Variants in VASN observed in about 807,000 individuals in gnomAD.
The protein encoded by VASN is vasorin.
Under a neutral mutation model 4.8 loss-of-function variants are expected in VASN, and 5 were observed. That is an observed-to-expected ratio of 1.03 (90% confidence interval 0.54 to 2.17). The LOEUF (loss-of-function observed/expected upper bound fraction) is 2.17. Ranked by LOEUF, VASN falls within the 30% of genes most tolerant of loss-of-function variation. The pLI is 0.01. For synonymous variants in VASN, 499 were observed against 460.8 expected (o/e 1.08, Z -1.06); for missense variants, 927 against 948.8 (o/e 0.98, Z 0.30).
Position 4,381,049 on chromosome 16 carries a change from T to C in VASN, c.172T>C (p.Tyr58His). 1 of 1,610,746 alleles carries C rather than the reference T, an allele frequency of 6.2e-7. No homozygotes were observed. The highest frequency in any genetic ancestry group is 1.3e-5 in the African/African-American group (1 of 75,014). ...RDVPPDTVGLYVFENGITMLD... is the reference protein window; with the variant it reads ...RDVPPDTVGLHVFENGITMLD... ...CGTGCCACCCGACACGGTGGGGCTG[T>C]ACGTCTTTGAGAACGGCATCACCAT... The change falls in exon 2 of 2, where the codon TAC becomes CAC. Residue 58 changes from tyrosine (Y) to histidine (H), a missense_variant. Tyr to His is a moderately conservative substitution (Grantham distance 83). Coordinates refer to ENST00000304735, the MANE Select transcript of VASN (RefSeq NM_138440.3).
chr16:4,374,501 G>A (rs1174731620), intron 1 of VASN, among the ~76,000 whole-genome samples: 1 of 152,168 alleles, frequency 6.6e-6, no homozygotes, highest in Non-Finnish European at 1.5e-5. Context: ...TTCCTCAGGG[G>A]CTGCCTGAGA....
chr16:4,376,758 GGCC>G (rs1395025879), intron 1 of VASN, among the ~76,000 whole-genome samples: 1 of 152,116 alleles, frequency 6.6e-6, no homozygotes, highest in African/African-American at 2.4e-5. Flanking sequence ...GTGCTGAAGG[GGCC>G]GCCAAGGGAC....
Position 4,383,227 on chromosome 16 carries a change from A to C in VASN, c.*328A>C. 3.2e-6 allele frequency: 1 copy of C among 312,626 alleles called. No homozygotes were observed. The highest frequency in any genetic ancestry group is 5.5e-5 in the East Asian group (1 of 18,046). 19.4% of individuals were successfully genotyped at this position (312,626 alleles called of 1,614,324 possible). On this transcript the variant is annotated 3_prime_UTR_variant, in exon 2 of 2. Transcript: ENST00000304735. ...TGCCTGGGCCCTGCTGGGCTCTCCCACTCCAGGCGGACCCTGGGGGCCAGT... is the reference window on the plus strand; with the variant it reads ...TGCCTGGGCCCTGCTGGGCTCTCCCCCTCCAGGCGGACCCTGGGGGCCAGT...
At position 4,383,026 on chromosome 16, in the gene VASN, C is replaced by A; in HGVS notation, c.*127C>A. 1 of 1,061,972 alleles carries A rather than the reference C, an allele frequency of 9.4e-7. No homozygotes were observed. Among genetic ancestry groups the A allele is most frequent in the Non-Finnish European group, 1.3e-6 (1 of 757,126 alleles). 65.8% of individuals were successfully genotyped at this position (1,061,972 alleles called of 1,614,324 possible). A position where few individuals can be genotyped will look rare whatever the true frequency, so the allele number is the denominator to read the frequency against. ...GATGTGTGCAGACAGGGCTGTGTGA[C>A]CACAGCTGGGCCCTGTTCCCTCTGG... On this transcript the variant is annotated 3_prime_UTR_variant, in exon 2 of 2. Coordinates refer to ENST00000304735, the MANE Select transcript of VASN (RefSeq NM_138440.3).
chr16:4,376,748 G>A (rs2054746422), intron 1 of VASN, among the ~76,000 whole-genome samples: 1 of 152,138 alleles, frequency 6.6e-6, no homozygotes, highest in Admixed American at 6.5e-5. Context: ...CTGAAGTCCT[G>A]TGCTGAAGGG....
chr16:4,381,682 C>G lies in VASN; in HGVS notation c.805C>G (p.Leu269Val). The change falls in exon 2 of 2, where the codon CTG becomes GTG. Residue 269 changes from leucine (L) to valine (V), a missense_variant. Leu to Val is a conservative substitution (Grantham distance 32). Transcript: ENST00000304735. ...GGCCGGCCTGGCTGCCCTGCAGGAGCTGGATGTGAGCAACCTAAGCCTGCA... is the reference window on the plus strand; with the variant it reads ...GGCCGGCCTGGCTGCCCTGCAGGAGGTGGATGTGAGCAACCTAAGCCTGCA... Reference protein sequence around the residue: ...DLAGLAALQELDVSNLSLQAL... With the variant: ...DLAGLAALQEVDVSNLSLQAL... 6.2e-7 allele frequency: 1 copy of G among 1,607,574 alleles called. No individual in the cohort carries two copies.
Position 4,381,222 on chromosome 16 carries a change from C to G in VASN, c.345C>G (p.Ile115Met). The change falls in exon 2 of 2, where the codon ATC becomes ATG. Residue 115 changes from isoleucine (I) to methionine (M), a missense_variant. Transcript: ENST00000304735. ...TGACAGCCAACAGGCTGCATGAAATCACCAATGAGACCTTCCGTGGCCTGC... is the reference window on the plus strand; with the variant it reads ...TGACAGCCAACAGGCTGCATGAAATGACCAATGAGACCTTCCGTGGCCTGC... Reference protein sequence around the residue: ...LDLTANRLHEITNETFRGLRR... With the variant: ...LDLTANRLHEMTNETFRGLRR... 1 of 1,612,210 alleles carries G rather than the reference C, an allele frequency of 6.2e-7. No individual in the cohort carries two copies.
rs1300478088 is a variant in VASN at position 4,377,826 on chromosome 16, A to G, written c.-9-3043A>G. Among the ~76,000 whole-genome samples the G allele has an allele frequency of 2.6e-5, 4 of 152,054 alleles. No homozygotes were observed. The East Asian group carries it at 7.7e-4, about 29-fold the overall frequency. On this transcript the variant is annotated intron_variant, in intron 1 of 1. Coordinates refer to ENST00000304735, the MANE Select transcript of VASN (RefSeq NM_138440.3). The stretch of plus-strand genomic sequence containing the variant: ...GCTCAGGCAAAAGAGCTCACCGCAC[A>G]TTTTACGGGGCTGGGAAGCAGGCTG...
Position 4,381,397 on chromosome 16 carries a change from C to T in VASN, c.520C>T (p.Leu174=). The T allele has an allele frequency of 6.3e-7, 1 of 1,587,846 alleles. No individual in the cohort carries two copies. The change falls in exon 2 of 2, where the codon CTG becomes TTG. Residue 174 remains leucine, a synonymous_variant. Coordinates refer to ENST00000304735, the MANE Select transcript of VASN (RefSeq NM_138440.3). ...PPLRLPRLLL[L]DLSHNSLLAL... is the part of the protein sequence containing the mutation. ...GCTGCGCCTGCCCCGCCTGCTGCTGCTGGACCTCAGCCACAACAGCCTCCT... is the reference window on the plus strand; with the variant it reads ...GCTGCGCCTGCCCCGCCTGCTGCTGTTGGACCTCAGCCACAACAGCCTCCT...
At position 4,382,342 on chromosome 16, in the gene VASN, G is replaced by A. The variant is rs1025055747; in HGVS notation, c.1465G>A (p.Val489Met). 13 of 1,611,502 alleles carry A rather than the reference G, an allele frequency of 8.1e-6. No homozygotes were observed. Among genetic ancestry groups the A allele is most frequent in the Non-Finnish European group, 1.1e-5 (13 of 1,179,462 alleles). ...GCAGCGCTACCTCCAGGGGAGCTCC[G>A]TGCAGCTCAGGAGCCTCCGTCTCAC... is the stretch of plus-strand genomic sequence containing the variant. Reference protein sequence around the residue: ...GLQRYLQGSSVQLRSLRLTYR... With the variant: ...GLQRYLQGSSMQLRSLRLTYR... Residue 489 changes from valine to methionine, a missense_variant, in exon 2 of 2, where the codon GTG (valine) becomes ATG (methionine). Coordinates refer to ENST00000304735, the MANE Select transcript of VASN (RefSeq NM_138440.3).
chr16:4,377,299 C>T (rs2141232602), intron 1 of VASN, among the ~76,000 whole-genome samples: 1 of 151,030 alleles, frequency 6.6e-6, no homozygotes, highest in South Asian at 2.1e-4. Context: ...GGTCTCACCT[C>T]CCTGCCTGAC....
In VASN at chr16:4,382,705, C is replaced by T; in HGVS notation, c.1828C>T (p.Gln610Ter). Reference sequence around the variant, plus strand: ...GGGGCGGGCCATGGCAGCAGCGGCTCAGGACAAAGGGCAGGTGGGGCCAGG... The same window carrying T: ...GGGGCGGGCCATGGCAGCAGCGGCTTAGGACAAAGGGCAGGTGGGGCCAGG... ...RRGRAMAAAA[Q>*]DKGQVGPGAG... Residue 610 changes from glutamine (Q) to a stop codon, truncating the protein, a stop_gained, in exon 2 of 2, where the codon CAG becomes TAG. Coordinates refer to ENST00000304735, the MANE Select transcript of VASN (RefSeq NM_138440.3). LOFTEE classifies it high-confidence loss of function. 5 of 1,549,452 alleles carry T rather than the reference C, an allele frequency of 3.2e-6. No homozygotes were observed. The highest frequency in any genetic ancestry group is 1.2e-5 in the South Asian group (1 of 84,402).
intron 1 of VASN, among the ~76,000 whole-genome samples, chr16:4,375,399 C>T (rs1448029563): frequency 6.6e-6 from 1 of 152,260 alleles, no homozygotes; most frequent in Non-Finnish European, 1.5e-5. Flanking sequence ...CTTTGCAACC[C>T]TCTGTCCTGG....
In VASN at chr16:4,380,876, A is replaced by C; in HGVS notation, c.-2A>C. ...CCTCCTCTCTGCTCCCAGGGACAGAAGATGTGCTCCAGGGTCCCTCTGCTG... is the reference window on the plus strand; with the variant it reads ...CCTCCTCTCTGCTCCCAGGGACAGACGATGTGCTCCAGGGTCCCTCTGCTG... On this transcript the variant is annotated 5_prime_UTR_variant, in exon 2 of 2. Coordinates refer to ENST00000304735, the MANE Select transcript of VASN (RefSeq NM_138440.3). 1 of 1,516,644 alleles carries C rather than the reference A, an allele frequency of 6.6e-7. No homozygotes were observed. Among genetic ancestry groups the C allele is most frequent in the Non-Finnish European group, 8.8e-7 (1 of 1,140,008 alleles). The allele number at this position is 1,516,644 out of a possible 1,614,324, so 93.9% of individuals were successfully genotyped here.
At position 4,381,297 on chromosome 16, in the gene VASN, G is replaced by T; in HGVS notation, c.420G>T (p.Gln140His). The T allele has an allele frequency of 6.2e-7, 1 of 1,612,358 alleles. No individual in the cohort carries two copies. Among genetic ancestry groups the T allele is most frequent in the South Asian group, 1.1e-5 (1 of 91,030 alleles). The stretch of plus-strand genomic sequence containing the variant: ...GCAAGAACCGCATCCGCCACATCCA[G>T]CCTGGTGCCTTCGACACGCTCGACC... The part of the protein sequence containing the change: ...YLGKNRIRHI[Q>H]PGAFDTLDRL... The change falls in exon 2 of 2, where the codon CAG becomes CAT. Residue 140 changes from glutamine (Q) to histidine (H), a missense_variant. Physicochemically the swap from Gln to His is conservative, Grantham distance 24 (BLOSUM62 0). Transcript: ENST00000304735.
rs775741897 is a variant in VASN at position 4,381,444 on chromosome 16, G to A, written c.567G>A (p.Leu189=). Residue 189 remains leucine (L), a synonymous_variant, in exon 2 of 2, where the codon CTG becomes CTA. Coordinates refer to ENST00000304735, the MANE Select transcript of VASN (RefSeq NM_138440.3). The part of the protein sequence containing the change: ...NSLLALEPGI[L]DTANVEALRL... ...TCCTGGCCCTGGAGCCCGGCATCCTGGACACTGCCAACGTGGAGGCGCTGC... is the reference window on the plus strand; with the variant it reads ...TCCTGGCCCTGGAGCCCGGCATCCTAGACACTGCCAACGTGGAGGCGCTGC... 1.9e-6 allele frequency: 3 copies of A among 1,580,566 alleles called. No individual in the cohort carries two copies. Among genetic ancestry groups the A allele is most frequent in the Non-Finnish European group, 1.7e-6 (2 of 1,165,086 alleles).
At chr16:4,372,120 CACACGGTCACCTGG>C (rs2054556046) in intron 1 of VASN, 127 bp downstream of exon 1, 1 of 151,632 alleles carries the variant, frequency 6.6e-6, no homozygotes, top group African/African-American at 2.4e-5. Flanking sequence ...GCCCCAGCCC[CACACGGTCACCTGG>C]GCCGCCCGGC....
chr16:4,381,389 T>G lies in VASN; in HGVS notation c.512T>G (p.Leu171Arg). Residue 171 changes from leucine (L) to arginine (R), a missense_variant, in exon 2 of 2, where the codon CTG (leucine) becomes CGG (arginine). Leu to Arg is a moderately radical substitution (Grantham distance 102). Transcript: ENST00000304735. ...CTGCCCCCGCTGCGCCTGCCCCGCC[T>G]GCTGCTGCTGGACCTCAGCCACAAC... ...RALPPLRLPR[L>R]LLLDLSHNSL... is the part of the protein sequence containing the mutation. 1 of 1,579,186 alleles carries G rather than the reference T, an allele frequency of 6.3e-7. No individual in the cohort carries two copies. Among genetic ancestry groups the G allele is most frequent in the Non-Finnish European group, 8.6e-7 (1 of 1,162,956 alleles).
chr16:4,373,822 C>T (rs1205868550), intron 1 of VASN, among the ~76,000 whole-genome samples: 1 of 152,164 alleles, frequency 6.6e-6, no homozygotes, highest in Non-Finnish European at 1.5e-5. Flanking sequence ...GCAGGCCAGA[C>T]AGCCAGTCCT....
Sources: allele counts gnomAD v4.1 joint callset (sites outside exome capture counted in the v4.1 genomes callset), GRCh38; gene constraint gnomAD v4.1.1; transcripts MANE v1.5; gene names NCBI Gene and HGNC (gene_info 2026-07-23, HGNC 2026-07-21).